SUCLG2: variants seen among roughly 807,000 people sequenced by gnomAD.
SUCLG2 encodes succinate-CoA ligase GDP-forming subunit beta.
Under a neutral mutation model 47.9 loss-of-function variants are expected in SUCLG2, and 42 were observed. The observed-to-expected ratio is 0.88, with a 90% confidence interval of 0.69 to 1.14. The LOEUF (loss-of-function observed/expected upper bound fraction) is 1.14. Ranked by LOEUF, SUCLG2 falls within the 50% of genes most tolerant of loss-of-function variation. The pLI is 0.00. For missense variants in SUCLG2, 571 were observed against 525.9 expected (o/e 1.09, Z -0.84); for synonymous variants, 195 against 197.3 (o/e 0.99, Z 0.10).
chr3:67,637,075 A>G (rs901222283), intron 1 of SUCLG2, among the ~76,000 whole-genome samples: 2 of 152,172 alleles, frequency 1.3e-5, no homozygotes, highest in Admixed American at 6.5e-5. Context: ...AGTCTCAGGT[A>G]TTCACAAGCC....
At chr3:67,612,830 A>T (rs1700555574) in intron 1 of SUCLG2, among the ~76,000 whole-genome samples, 1 of 152,226 alleles carries the variant, frequency 6.6e-6, no homozygotes, top group Non-Finnish European at 1.5e-5. Context: ...TGTGCTTCTG[A>T]CCAACCAGTT....
At chr3:67,584,130 C>A (rs938835847) in intron 2 of SUCLG2, among the ~76,000 whole-genome samples, 19 of 152,108 alleles carry the variant, frequency 1.2e-4, no homozygotes, top group African/African-American at 4.6e-4. Context: ...ATCGTGATAG[C>A]CAAAAATTCA....
chr3:67,648,228 C>T (rs1265402535), intron 1 of SUCLG2, among the ~76,000 whole-genome samples: 1 of 152,154 alleles, frequency 6.6e-6, no homozygotes, highest in Non-Finnish European at 1.5e-5. Flanking sequence ...AATTTGAACT[C>T]CGTTGAATTT....
chr3:67,476,479 T>C (rs1704761588), intron 9 of SUCLG2, among the ~76,000 whole-genome samples: 1 of 152,038 alleles, frequency 6.6e-6, no homozygotes, highest in Admixed American at 6.6e-5. Flanking sequence ...GAAAACAAGC[T>C]CAAAGTGCCC....
Position 67,446,372 on chromosome 3 carries a change from A to G in SUCLG2, c.1063-45521T>C, listed in dbSNP as rs1404705689. 3.4e-4 allele frequency among the ~76,000 whole-genome samples: 7 copies of G among 20,742 alleles called. 3 individuals carry two copies. Among genetic ancestry groups the G allele is most frequent in the Non-Finnish European group, 9.3e-4 (7 of 7,498 alleles). The allele number at this position is 20,742 out of a possible 152,430, so 13.6% of individuals were successfully genotyped here. A position where few individuals can be genotyped will look rare whatever the true frequency, so the allele number is the denominator to read the frequency against. ...TTGTATATAAAAAAAAAAAAAAAAA[A>G]AAAGAAATTAGATCTCTCCGGTATC... On this transcript the variant is annotated intron_variant, in intron 9 of 10. Transcript: ENST00000307227.
chr3:67,531,666 G>A lies in SUCLG2; in HGVS notation c.227-2480C>T, dbSNP rs866299190. On this transcript the variant is annotated intron_variant, in intron 2 of 10. Coordinates refer to ENST00000307227, the MANE Select transcript of SUCLG2 (RefSeq NM_003848.4). Reference sequence around the variant, plus strand: ...ACGCACATCTGCAACATACACCCCAGGCCAAAAATGAGTTCACTAAAATCA... The same window carrying A: ...ACGCACATCTGCAACATACACCCCAAGCCAAAAATGAGTTCACTAAAATCA... 2.0e-5 allele frequency among the ~76,000 whole-genome samples: 3 copies of A among 152,020 alleles called. No homozygotes were observed. In the South Asian group the frequency reaches 6.2e-4, roughly 32 times the overall value.
At chr3:67,427,749 C>A (rs906637231) in intron 9 of SUCLG2, among the ~76,000 whole-genome samples, 4 of 152,176 alleles carry the variant, frequency 2.6e-5, no homozygotes, top group African/African-American at 9.7e-5. Flanking sequence ...TCTGGAAAAT[C>A]AGGACACTTC....
At chr3:67,499,026 T>G (rs769646499) in intron 7 of SUCLG2, among the ~76,000 whole-genome samples, 5 of 152,102 alleles carry the variant, frequency 3.3e-5, no homozygotes, top group Non-Finnish European at 7.4e-5. Flanking sequence ...ATGAACGAAG[T>G]TTGGTATATC....
At chr3:67,360,643 T>A (rs1484918442) in exon 11 of SUCLG2, 1 of 1,509,272 alleles carries the variant, frequency 6.6e-7, no homozygotes, top group African/African-American at 1.4e-5. Flanking sequence ...CATAAAAAAA[T>A]GCTGATGGCA....
At position 67,522,195 on chromosome 3, in the gene SUCLG2, C is replaced by T. The variant is rs1389771562; in HGVS notation, c.418-1561G>A. On this transcript the variant is annotated intron_variant, in intron 4 of 10. Coordinates refer to ENST00000307227, the MANE Select transcript of SUCLG2 (RefSeq NM_003848.4). ...TAGCTGAAACTACAGGCACGTGCCT[C>T]CATAGCCACTTAATTTTTGCTTTAT... Among the ~76,000 whole-genome samples, 4 of 151,896 alleles carry T rather than the reference C, an allele frequency of 2.6e-5. No individual in the cohort carries two copies. The East Asian group carries it at 7.7e-4, about 29-fold the overall frequency.
At chr3:67,411,999 C>T (rs113546491) in intron 9 of SUCLG2, among the ~76,000 whole-genome samples, 1 of 152,146 alleles carries the variant, frequency 6.6e-6, no homozygotes. Flanking sequence ...GGAATGGAAT[C>T]TTGTAGAATT....
chr3:67,603,129 A>T (rs968861632), intron 2 of SUCLG2, among the ~76,000 whole-genome samples: 1 of 152,244 alleles, frequency 6.6e-6, no homozygotes, highest in African/African-American at 2.4e-5. Context: ...CAAAGTCAAA[A>T]TAATGGGCAG....
intron 9 of SUCLG2, among the ~76,000 whole-genome samples, chr3:67,414,682 T>C (rs1047063114): frequency 6.6e-6 from 1 of 152,110 alleles, no homozygotes; most frequent in African/African-American, 2.4e-5. Flanking sequence ...CTAGACAAAA[T>C]GTATCTGAGA....
At chr3:67,423,655 AC>A (rs1331680362) in intron 9 of SUCLG2, among the ~76,000 whole-genome samples, 2 of 152,072 alleles carry the variant, frequency 1.3e-5, no homozygotes, top group African/African-American at 2.4e-5. Flanking sequence ...GTTTTCTCTT[AC>A]CCCCTGCTCT....
intron 7 of SUCLG2, among the ~76,000 whole-genome samples, chr3:67,500,797 G>A (rs994557420): frequency 2.0e-5 from 3 of 152,144 alleles, no homozygotes; most frequent in Admixed American, 6.5e-5. Flanking sequence ...GACTTCCTAA[G>A]GGAAGAGTTT....
intron 9 of SUCLG2, among the ~76,000 whole-genome samples, chr3:67,488,588 A>G (rs536016196): frequency 6.6e-6 from 1 of 152,330 alleles, no homozygotes; most frequent in South Asian, 2.1e-4. Context: ...TCTCAAAAAT[A>G]CTAATAGTAC....
intron 2 of SUCLG2, among the ~76,000 whole-genome samples, chr3:67,561,896 C>T (rs1200767361): frequency 2.0e-5 from 3 of 152,144 alleles, no homozygotes; most frequent in Non-Finnish European, 4.4e-5. Context: ...TTGTGTATTG[C>T]TAGTTTGCTA....
At chr3:67,516,038 C>T (rs1014866215) in intron 6 of SUCLG2, among the ~76,000 whole-genome samples, 4 of 152,052 alleles carry the variant, frequency 2.6e-5, no homozygotes, top group East Asian at 1.9e-4. Flanking sequence ...AGATATCTAC[C>T]GGTCTGTGAG....
intron 6 of SUCLG2, among the ~76,000 whole-genome samples, chr3:67,516,830 A>G (rs4334654): frequency 0.33 from 50,004 of 152,106 alleles, 10,773 homozygotes; most frequent in African/African-American, 0.59. Flanking sequence ...GCTGACTGCC[A>G]GACAGTGCAG....
Sources: allele counts gnomAD v4.1 joint callset (sites outside exome capture counted in the v4.1 genomes callset), GRCh38; gene constraint gnomAD v4.1.1; transcripts MANE v1.5; gene names NCBI Gene and HGNC (gene_info 2026-07-23, HGNC 2026-07-21).